DGKB: variants seen among roughly 807,000 people sequenced by gnomAD.
DGKB encodes diacylglycerol kinase beta.
A neutral mutation model predicts 114.3 loss-of-function variants in DGKB; 67 were observed. The observed-to-expected ratio is 0.59, with a 90% CI of 0.48 to 0.72. DGKB has a LOEUF of 0.72. DGKB is among the 30% of genes least tolerant of loss of function. DGKB has a pLI of 0.00. For missense variants in DGKB, 907 were observed against 975.2 expected (o/e 0.93, Z 0.93); for synonymous variants, 398 against 323.1 (o/e 1.23, Z -2.49).
intron 13 of DGKB, among the ~76,000 whole-genome samples, chr7:14,660,203 T>C (rs1402102677): frequency 6.6e-6 from 1 of 151,916 alleles, no homozygotes; most frequent in Non-Finnish European, 1.5e-5. Context: ...TCTTTTTTGG[T>C]TGTGTCTCTG....
At chr7:14,424,828 G>A (rs1827253160) in intron 21 of DGKB, among the ~76,000 whole-genome samples, 4 of 152,062 alleles carry the variant, frequency 2.6e-5, no homozygotes, top group Non-Finnish European at 1.5e-5. Context: ...GAATTCAAAT[G>A]TAGGTTGATC....
At chr7:14,291,970 T>C (rs1433105967) in intron 23 of DGKB, among the ~76,000 whole-genome samples, 1 of 152,076 alleles carries the variant, frequency 6.6e-6, no homozygotes, top group Non-Finnish European at 1.5e-5. Flanking sequence ...GCTTCTACTG[T>C]TTACCTCCTT....
chr7:14,207,945 G>T (rs1787101243), intron 23 of DGKB, among the ~76,000 whole-genome samples: 1 of 151,996 alleles, frequency 6.6e-6, no homozygotes, highest in Admixed American at 6.6e-5. Context: ...CCTTGAACCA[G>T]CATCTACAGA....
chr7:14,775,393 G>A (rs1284203561), intron 2 of DGKB, among the ~76,000 whole-genome samples: 7 of 151,690 alleles, frequency 4.6e-5, no homozygotes, highest in African/African-American at 1.7e-4. Flanking sequence ...GTTTGGCTGT[G>A]TCCCCACCGA....
intron 1 of DGKB, among the ~76,000 whole-genome samples, chr7:14,852,490 A>AAAAAAAAAAAAAAAAAAAAAAAAAAAC (rs1554304291): frequency 6.7e-6 from 1 of 149,432 alleles, no homozygotes; most frequent in African/African-American, 2.4e-5. Context: ...TGAAAGTCAA[A>AAAAAAAAAAAAAAAAAAAAAAAAAAAC]AAAAAAACAG....
At chr7:14,748,275 A>G (rs896533587) in intron 4 of DGKB, among the ~76,000 whole-genome samples, 47 of 152,188 alleles carry the variant, frequency 3.1e-4, no homozygotes, top group African/African-American at 8.7e-4. Flanking sequence ...AATGTGCTCA[A>G]TCTACAATGT....
At chr7:14,735,360 A>G (rs144378996) in intron 5 of DGKB, among the ~76,000 whole-genome samples, 57 of 152,298 alleles carry the variant, frequency 3.7e-4, no homozygotes, top group African/African-American at 1.3e-3. Flanking sequence ...CTGCCATCTA[A>G]GGGCAGCACA....
At chr7:14,662,242 T>G (rs988934067) in intron 13 of DGKB, among the ~76,000 whole-genome samples, 1 of 150,988 alleles carries the variant, frequency 6.6e-6, no homozygotes, top group Non-Finnish European at 1.5e-5. Context: ...AAAAAAGAGA[T>G]ATGAGAGTTG....
chr7:14,321,616 A>T (rs867061026), intron 23 of DGKB, among the ~76,000 whole-genome samples: 1 of 151,708 alleles, frequency 6.6e-6, no homozygotes. Flanking sequence ...AAAAAAAAAA[A>T]AAAGAAAAGG....
At chr7:14,517,635 T>C (rs192346111) in intron 20 of DGKB, among the ~76,000 whole-genome samples, 1 of 151,818 alleles carries the variant, frequency 6.6e-6, no homozygotes, top group African/African-American at 2.4e-5. Context: ...AAACACCTCA[T>C]TAAAAAGTGG....
chr7:14,174,747 C>A (rs1327587407), intron 25 of DGKB, among the ~76,000 whole-genome samples: 1 of 152,134 alleles, frequency 6.6e-6, no homozygotes, highest in African/African-American at 2.4e-5. Flanking sequence ...CCATCACCAC[C>A]TCTGCAATAG....
chr7:14,458,712 G>A (rs1441605760), intron 21 of DGKB, among the ~76,000 whole-genome samples: 2 of 152,144 alleles, frequency 1.3e-5, no homozygotes, highest in East Asian at 3.9e-4. Context: ...TGCACACCAG[G>A]ATATTCACTC....
intron 2 of DGKB, among the ~76,000 whole-genome samples, chr7:14,787,334 G>C (rs947295202): frequency 6.6e-6 from 1 of 152,272 alleles, no homozygotes; most frequent in African/African-American, 2.4e-5. Flanking sequence ...TAAGTTCAGA[G>C]TCCTACTTAT....
chr7:14,469,998 T>C (rs910952625), intron 21 of DGKB, among the ~76,000 whole-genome samples: 1 of 152,044 alleles, frequency 6.6e-6, no homozygotes, highest in South Asian at 2.1e-4. Context: ...AATTTAGTCA[T>C]ATGGAAAAAC....
At chr7:14,801,873 CAT>C (rs1162821939) in intron 2 of DGKB, among the ~76,000 whole-genome samples, 4 of 150,658 alleles carry the variant, frequency 2.7e-5, no homozygotes, top group Admixed American at 1.3e-4. Flanking sequence ...TATATATATA[CAT>C]ATGTGTGTGT....
intron 25 of DGKB, among the ~76,000 whole-genome samples, chr7:14,154,140 T>C (rs979401589): frequency 2.5e-4 from 37 of 147,752 alleles, no homozygotes; most frequent in African/African-American, 9.2e-4. Context: ...ACAAAAGGAG[T>C]GTGGATAATA....
At chr7:14,806,580 A>G (rs1842816691) in intron 2 of DGKB, among the ~76,000 whole-genome samples, 1 of 152,074 alleles carries the variant, frequency 6.6e-6, no homozygotes, top group Admixed American at 6.6e-5. Context: ...AATATTTAAA[A>G]TAAGGCATTG....
At chr7:14,173,417 TTG>T (rs906931009) in intron 25 of DGKB, among the ~76,000 whole-genome samples, 2 of 152,218 alleles carry the variant, frequency 1.3e-5, no homozygotes, top group Non-Finnish European at 2.9e-5. Context: ...AATCACATTG[TTG>T]TGTCACCATC....
intron 1 of DGKB, among the ~76,000 whole-genome samples, chr7:14,894,587 G>T (rs1199669480): frequency 1.3e-5 from 2 of 151,454 alleles, no homozygotes; most frequent in African/African-American, 4.8e-5. Context: ...TATAATTACA[G>T]CCACATTCAA....
Sources: gnomAD v4.1 joint callset for allele counts (sites outside exome capture counted in the v4.1 genomes callset) on GRCh38, gnomAD v4.1.1 for gene constraint, MANE v1.5 for transcripts, NCBI Gene and HGNC (gene_info 2026-07-23, HGNC 2026-07-21) for gene names.